TAC4: variants seen among roughly 807,000 people sequenced by gnomAD.
TAC4 encodes the protein tachykinin precursor 4, also known as tachykinin-4.
TAC4 carries 17 observed loss-of-function variants against 17.7 expected under a neutral mutation model. That is an observed-to-expected ratio of 0.96 (90% CI 0.66 to 1.44). The LOEUF is 1.44. TAC4 is among the 40% of genes most tolerant of loss of function. TAC4 has a pLI of 0.00. For missense variants in TAC4, 118 were observed against 125.6 expected (o/e 0.94, Z 0.29); for synonymous variants, 62 against 52.4 (o/e 1.18, Z -0.79).
chr17:49,839,357 T>C (rs532350677), intron 4 of TAC4, among the ~76,000 whole-genome samples: 1 of 152,232 alleles, frequency 6.6e-6, no homozygotes, highest in East Asian at 1.9e-4. Context: ...TTTGGGGACG[T>C]GGCCTCTGCT....
At chr17:49,847,114 C>T (rs938287084) in intron 1 of TAC4, 35 of 1,289,774 alleles carry the variant, frequency 2.7e-5, no homozygotes, top group Non-Finnish European at 3.4e-5. Context: ...AGGACCTCAT[C>T]GTGGCCCAGG....
intron 2 of TAC4, among the ~76,000 whole-genome samples, chr17:49,842,030 A>G (rs542364574): frequency 1.3e-5 from 2 of 148,470 alleles, no homozygotes; most frequent in East Asian, 4.1e-4. Context: ...CAGCCTCCCG[A>G]GTAGCCAGGA....
At chr17:49,841,725 T>C (rs1429135554) in intron 2 of TAC4, 141 bp from the exon 3 acceptor site, 3 of 844,052 alleles carry the variant, frequency 3.6e-6, no homozygotes, top group Non-Finnish European at 5.1e-6. Flanking sequence ...AGTTATCCTC[T>C]GTGGCAGTAG....
At chr17:49,847,700 C>CACAG (rs2074555289) in intron 1 of TAC4, 7 of 543,190 alleles carry the variant, frequency 1.3e-5, no homozygotes, top group South Asian at 8.4e-5. Context: ...CAGACACACA[C>CACAG]ACACACACAC....
chr17:49,845,416 C>T (rs532390134), intron 1 of TAC4, among the ~76,000 whole-genome samples: 1 of 152,316 alleles, frequency 6.6e-6, no homozygotes, highest in African/African-American at 2.4e-5. Context: ...GAAAGGGAGT[C>T]GCTCCCTAGT....
At chr17:49,840,904 T>G (rs2074492586) in intron 3 of TAC4, among the ~76,000 whole-genome samples, 1 of 140,868 alleles carries the variant, frequency 7.1e-6, no homozygotes, top group Non-Finnish European at 1.6e-5. Context: ...TTTTTTTTTT[T>G]TTTTTTTTGA....
intron 2 of TAC4, among the ~76,000 whole-genome samples, chr17:49,843,740 C>T (rs553986538): frequency 3.3e-5 from 5 of 152,238 alleles, no homozygotes; most frequent in East Asian, 3.9e-4. Flanking sequence ...ATTACAGGCA[C>T]GTGCCACCAT....
intron 3 of TAC4, among the ~76,000 whole-genome samples, 166 bp from the exon 4 acceptor site, chr17:49,840,075 T>C (rs1002424685): frequency 5.3e-5 from 8 of 152,236 alleles, no homozygotes; most frequent in African/African-American, 1.9e-4. Context: ...GGAAACACCG[T>C]GGACTGATTA....
chr17:49,847,870 C>T (rs1301458936), intron 1 of TAC4, 43 bp downstream of exon 1: 22 of 1,613,502 alleles, frequency 1.4e-5, no homozygotes, highest in Non-Finnish European at 1.7e-5. Flanking sequence ...CCCCTGCCCT[C>T]GTCAGAGCCT....
chr17:49,847,338 G>A, intron 1 of TAC4: 1 of 1,126,258 alleles, frequency 8.9e-7, no homozygotes, highest in South Asian at 1.4e-5. Flanking sequence ...TGTCAGGCAG[G>A]AGTGGGGGTA....
At chr17:49,847,778 A>G in intron 1 of TAC4, 135 bp downstream of exon 1, 1 of 1,489,608 alleles carries the variant, frequency 6.7e-7, no homozygotes, top group Non-Finnish European at 9.2e-7. Context: ...CCCATGGTAG[A>G]GAGTCAGACA....
chr17:49,838,571 G>A lies in TAC4; in HGVS notation c.*71C>T. On this transcript the variant is annotated 3_prime_UTR_variant, in exon 5 of 5. Transcript: ENST00000436235. ...CACAGAGAAGAGAGTTGGCCTGCCGGCTTGTCAGCTGTGACATCCAGGTAG... is the reference window on the plus strand; with the variant it reads ...CACAGAGAAGAGAGTTGGCCTGCCGACTTGTCAGCTGTGACATCCAGGTAG... 2 of 1,594,442 alleles carry A rather than the reference G, an allele frequency of 1.3e-6. No individual in the cohort carries two copies. Among genetic ancestry groups the A allele is most frequent in the Non-Finnish European group, 1.7e-6 (2 of 1,162,676 alleles).
chr17:49,846,864 C>A, intron 1 of TAC4: 1 of 1,001,384 alleles, frequency 1.0e-6, no homozygotes, highest in Non-Finnish European at 1.3e-6. Context: ...ATGTTTGGCA[C>A]TGACTATAAA....
intron 1 of TAC4, among the ~76,000 whole-genome samples, chr17:49,845,317 C>T (rs1021815685): frequency 6.6e-6 from 1 of 152,250 alleles, no homozygotes; most frequent in African/African-American, 2.4e-5. Context: ...CATTCTCATT[C>T]TTCCATTAGC....
At chr17:49,847,797 T>G (rs542039783) in intron 1 of TAC4, 116 bp downstream of exon 1, 2 of 1,572,144 alleles carry the variant, frequency 1.3e-6, no homozygotes, top group Non-Finnish European at 1.7e-6. Flanking sequence ...CAACTTGCCT[T>G]GCAGACTGCC....
At chr17:49,840,873 T>G (rs936367636) in intron 3 of TAC4, among the ~76,000 whole-genome samples, 12 of 151,132 alleles carry the variant, frequency 7.9e-5, no homozygotes, top group African/African-American at 2.9e-4. Flanking sequence ...GAGTAGTGGC[T>G]TCTTAGATTT....
chr17:49,841,524 G>T, intron 3 of TAC4, 28 bp downstream of exon 3: 2 of 1,563,760 alleles, frequency 1.3e-6, no homozygotes, highest in East Asian at 5.0e-5. Flanking sequence ...TAGGGGGCAT[G>T]TTGAAGGCAG....
chr17:49,840,007 CGGGGCCAGGGCT>C lies in TAC4; in HGVS notation c.233-110_233-99del, dbSNP rs886189813. On this transcript the variant is annotated intron_variant, in intron 3 of 4. Coordinates refer to ENST00000436235, the MANE Select transcript of TAC4 (RefSeq NM_001077506.2). ...CAAAGGACAGGGCCAGGGCGAGGGC[CGGGGCCAGGGCT>C]GGGGCCTTGCAAATGGGATCATTTC... 59 of 1,193,232 alleles carry C rather than the reference CGGGGCCAGGGCT, an allele frequency of 4.9e-5. No individual in the cohort carries two copies. In the African/African-American group the frequency reaches 8.9e-4, roughly 18 times the overall value. 73.9% of individuals were successfully genotyped at this position (1,193,232 alleles called of 1,614,324 possible). A position where few individuals can be genotyped will look rare whatever the true frequency, so the allele number is the denominator to read the frequency against.
At position 49,846,402 on chromosome 17, in the gene TAC4, G is replaced by A. The variant is rs535350155; in HGVS notation, c.105+1511C>T. Among the ~76,000 whole-genome samples the A allele has an allele frequency of 2.1e-4, 32 of 151,886 alleles. 1 individual carries two copies. Among genetic ancestry groups the A allele is most frequent in the African/African-American group, 7.7e-4 (32 of 41,414 alleles). On this transcript the variant is annotated intron_variant, in intron 1 of 4. Coordinates refer to ENST00000436235, the MANE Select transcript of TAC4 (RefSeq NM_001077506.2). ...AGTGATCCTCCCGCCTCAGCCTTTTGAGTAGCTGGGGCCACAGATGTGCAT... is the reference window on the plus strand; with the variant it reads ...AGTGATCCTCCCGCCTCAGCCTTTTAAGTAGCTGGGGCCACAGATGTGCAT...
Sources: allele counts gnomAD v4.1 joint callset (sites outside exome capture counted in the v4.1 genomes callset), GRCh38; gene constraint gnomAD v4.1.1; transcripts MANE v1.5; gene names NCBI Gene and HGNC (gene_info 2026-07-23, HGNC 2026-07-21).